Variants in MRE11 observed in about 807,000 individuals in gnomAD.
MRE11 encodes double-strand break repair protein MRE11.
In MRE11, 62 loss-of-function variants were observed where a neutral mutation model predicts 91.7. The observed-to-expected ratio is 0.68, with a 90% CI of 0.55 to 0.84. MRE11 has a LOEUF of 0.84. MRE11 is among the 40% of genes least tolerant of loss of function. The probability of loss-of-function intolerance (pLI) is 0.00; values close to 1 mark genes in which losing one functional copy is unlikely to be tolerated. For synonymous variants in MRE11, 273 were observed against 271.4 expected, an observed-to-expected ratio of 1.01 and a Z score of -0.06; for missense variants, 796 against 852.9, an observed-to-expected ratio of 0.93 and a Z score of 0.83.
In MRE11 at chr11:94,461,008, G is replaced by T. The variant is rs745508978; in HGVS notation, c.1254C>A (p.Ile418=). ...AAGTTGTTCCTTCTGAAGGCTTTGT[G>T]ATAAGTTTCCCAAAGTTGATCTCTT... The part of the protein sequence containing the change: ...TGEEINFGKL[I]TKPSEGTTLR... The change falls in exon 12 of 20, where the codon ATC becomes ATA. Residue 418 remains isoleucine (I), a synonymous_variant. Coordinates refer to ENST00000323929, the MANE Select transcript of MRE11 (RefSeq NM_005591.4). The T allele has an allele frequency of 6.2e-7, 1 of 1,613,538 alleles. No individual in the cohort carries two copies. Among genetic ancestry groups the T allele is most frequent in the Non-Finnish European group, 8.5e-7 (1 of 1,179,906 alleles).
intron 18 of MRE11, among the ~76,000 whole-genome samples, chr11:94,430,515 T>C (rs1174256925): frequency 6.6e-6 from 1 of 150,870 alleles, no homozygotes; most frequent in African/African-American, 2.4e-5. Flanking sequence ...GGAGTCTCGC[T>C]CTGTCACCAG....
chr11:94,436,816 T>C (rs1945631723), intron 17 of MRE11, among the ~76,000 whole-genome samples: 1 of 152,184 alleles, frequency 6.6e-6, no homozygotes, highest in African/African-American at 2.4e-5. Flanking sequence ...AGCTAGTATT[T>C]TGGGAAGATA....
intron 14 of MRE11, among the ~76,000 whole-genome samples, chr11:94,448,511 C>T (rs1226927750): frequency 2.0e-5 from 3 of 151,726 alleles, no homozygotes; most frequent in Admixed American, 6.6e-5. Context: ...GTAGGAGGAT[C>T]GCTCAAGCCT....
the MRE11 span, among the ~76,000 whole-genome samples, chr11:94,505,907 T>C: frequency 3.9e-5 from 6 of 152,234 alleles, no homozygotes; most frequent in African/African-American, 1.4e-4. Flanking sequence ...TGTGTTACAA[T>C]TGCCTACAGT....
chr11:94,469,867 C>A (rs1399248855), intron 9 of MRE11, among the ~76,000 whole-genome samples: 1 of 152,116 alleles, frequency 6.6e-6, no homozygotes, highest in Non-Finnish European at 1.5e-5. Flanking sequence ...AACTGAGCGT[C>A]AGCAAGTGAT....
At chr11:94,446,865 T>G (rs1394014691) in intron 15 of MRE11, among the ~76,000 whole-genome samples, 2 of 152,216 alleles carry the variant, frequency 1.3e-5, no homozygotes, top group Non-Finnish European at 2.9e-5. Flanking sequence ...TGCCAAAGGC[T>G]TTTAGCTATT....
chr11:94,508,908 C>T, the MRE11 span, among the ~76,000 whole-genome samples: 2 of 151,982 alleles, frequency 1.3e-5, no homozygotes, highest in African/African-American at 2.4e-5. Context: ...ATTACAGGCA[C>T]GCACCACCAC....
chr11:94,448,302 C>T (rs760078344), intron 14 of MRE11, among the ~76,000 whole-genome samples: 16 of 151,858 alleles, frequency 1.1e-4, no homozygotes, highest in Non-Finnish European at 1.3e-4. Context: ...AAGGGCTGGG[C>T]GCAGTGGCTC....
chr11:94,469,109 A>T (rs1244677196), intron 9 of MRE11, among the ~76,000 whole-genome samples: 1 of 151,926 alleles, frequency 6.6e-6, no homozygotes, highest in African/African-American at 2.4e-5. Flanking sequence ...TTATGTGCAC[A>T]CCTGGTGTTT....
At chr11:94,511,215 C>T in the MRE11 span, among the ~76,000 whole-genome samples, 1 of 152,180 alleles carries the variant, frequency 6.6e-6, no homozygotes, top group African/African-American at 2.4e-5. Context: ...ATAGATATCT[C>T]TCTACAGAGA....
intron 16 of MRE11, among the ~76,000 whole-genome samples, chr11:94,443,918 A>G (rs998120793): frequency 1.5e-5 from 2 of 135,170 alleles, no homozygotes; most frequent in Non-Finnish European, 3.2e-5. Flanking sequence ...CCTTCAACCA[A>G]TTTTTTTTTT....
At chr11:94,486,552 T>C (rs961728704) in intron 3 of MRE11, among the ~76,000 whole-genome samples, 1 of 152,206 alleles carries the variant, frequency 6.6e-6, no homozygotes, top group African/African-American at 2.4e-5. Context: ...GACCCTCTAC[T>C]GAGTCCTGAG....
At chr11:94,510,790 T>C in the MRE11 span, among the ~76,000 whole-genome samples, 5 of 152,184 alleles carry the variant, frequency 3.3e-5, no homozygotes, top group Admixed American at 6.5e-5. Context: ...GGCAGTAACA[T>C]AGCTGGGTGA....
At chr11:94,511,188 T>TATAGATAG in the MRE11 span, among the ~76,000 whole-genome samples, 6 of 152,130 alleles carry the variant, frequency 3.9e-5, no homozygotes, top group African/African-American at 1.4e-4. Flanking sequence ...TCTCTCTATA[T>TATAGATAG]ATATAGATAG....
chr11:94,422,053 T>C (rs368144783), intron 19 of MRE11, among the ~76,000 whole-genome samples: 1 of 152,286 alleles, frequency 6.6e-6, no homozygotes, highest in South Asian at 2.1e-4. Context: ...TTTGCTACAA[T>C]TAACAATTTT....
At chr11:94,491,094 G>A (rs1289683069) in intron 2 of MRE11, 129 bp from the exon 3 acceptor site, 2 of 661,568 alleles carry the variant, frequency 3.0e-6, no homozygotes, top group Non-Finnish European at 5.0e-6. Flanking sequence ...TAGCCTTAGA[G>A]TTCATCTGAA....
At chr11:94,490,152 T>C (rs536509759) in intron 3 of MRE11, among the ~76,000 whole-genome samples, 1 of 152,330 alleles carries the variant, frequency 6.6e-6, no homozygotes, top group East Asian at 1.9e-4. Flanking sequence ...AATCTGATAT[T>C]TGAAGTCCTC....
At chr11:94,502,053 CAATATT>C in the MRE11 span, among the ~76,000 whole-genome samples, 3 of 152,204 alleles carry the variant, frequency 2.0e-5, no homozygotes, top group Admixed American at 6.5e-5. Flanking sequence ...ACCTCTGTGA[CAATATT>C]AATAGCTAAC....
At chr11:94,504,261 C>T in the MRE11 span, among the ~76,000 whole-genome samples, 8 of 152,104 alleles carry the variant, frequency 5.3e-5, no homozygotes, top group South Asian at 2.1e-4. Context: ...TTTATGAAGT[C>T]GATTTTTAAA....
Sources: allele counts gnomAD v4.1 joint callset (sites outside exome capture counted in the v4.1 genomes callset), GRCh38; gene constraint gnomAD v4.1.1; transcripts MANE v1.5; gene names NCBI Gene and HGNC (gene_info 2026-07-23, HGNC 2026-07-21).